The following OTUD7A variants were observed in gnomAD, a reference collection of about 807,000 sequenced individuals.
OTUD7A encodes OTU deubiquitinase 7A.
OTUD7A carries 12 observed loss-of-function variants against 65.7 expected under a neutral mutation model. The observed-to-expected ratio is 0.18, with a 90% confidence interval of 0.12 to 0.30. OTUD7A has a LOEUF of 0.30. OTUD7A is among the 10% of genes least tolerant of loss of function. The pLI, the probability that OTUD7A is intolerant of heterozygous loss-of-function variation, is 1.00. For synonymous variants in OTUD7A, 641 were observed against 586.3 expected, an observed-to-expected ratio of 1.09 and a Z score of -1.35; for missense variants, 1,148 against 1,304.8, an observed-to-expected ratio of 0.88 and a Z score of 1.85.
rs372456434 is a variant in OTUD7A at position 31,626,054 on chromosome 15, G to T, written c.151+29042C>A. ...TGGGGAGGGGTTTTGACCAAGAAAA[G>T]AAGTGAGGAAACTTTTTGAAAGGAA... On this transcript the variant is annotated intron_variant, in intron 3 of 12. Coordinates refer to ENST00000307050, the MANE Select transcript of OTUD7A (RefSeq NM_001382637.1). Among the ~76,000 whole-genome samples, 37 of 152,230 alleles carry T rather than the reference G, an allele frequency of 2.4e-4. No homozygotes were observed. The South Asian group carries it at 7.0e-3, about 29-fold the overall frequency.
chr15:31,862,620 C>A (rs141963570), intron 1 of OTUD7A, among the ~76,000 whole-genome samples: 11 of 152,116 alleles, frequency 7.2e-5, no homozygotes, highest in African/African-American at 2.4e-4. Context: ...CTTATTATCA[C>A]GAGAATAGAA....
At chr15:31,563,373 G>T (rs1355416424) in intron 4 of OTUD7A, among the ~76,000 whole-genome samples, 7 of 152,222 alleles carry the variant, frequency 4.6e-5, no homozygotes, top group African/African-American at 7.2e-5. Flanking sequence ...CTGGAGTCAG[G>T]TCTAATGGCA....
chr15:31,815,100 G>C (rs1896513988), intron 1 of OTUD7A, among the ~76,000 whole-genome samples: 1 of 152,134 alleles, frequency 6.6e-6, no homozygotes, highest in East Asian at 1.9e-4. Context: ...GAGGCACACA[G>C]AACTCCCCAG....
chr15:31,690,463 G>C, intron 1 of OTUD7A, among the ~76,000 whole-genome samples: 1 of 152,256 alleles, frequency 6.6e-6, no homozygotes, highest in South Asian at 2.1e-4. Flanking sequence ...TGAAAAAGAA[G>C]AATAAAGTTG....
At chr15:31,633,957 G>A (rs550477634) in intron 3 of OTUD7A, among the ~76,000 whole-genome samples, 13 of 152,176 alleles carry the variant, frequency 8.5e-5, no homozygotes, top group Non-Finnish European at 1.6e-4. Flanking sequence ...CCTCCTCTGT[G>A]TCTCACTCGA....
intron 1 of OTUD7A, among the ~76,000 whole-genome samples, chr15:31,782,614 T>C (rs889773832): frequency 6.6e-6 from 1 of 152,134 alleles, no homozygotes. Flanking sequence ...GCGGCAGCAG[T>C]ACTGGCCAGA....
At chr15:31,550,961 G>A (rs1888303658) in intron 5 of OTUD7A, among the ~76,000 whole-genome samples, 1 of 152,192 alleles carries the variant, frequency 6.6e-6, no homozygotes, top group Non-Finnish European at 1.5e-5. Flanking sequence ...CCTGTAACCT[G>A]TGCAGATAAC....
At chr15:31,581,574 C>T (rs1889372393) in intron 3 of OTUD7A, among the ~76,000 whole-genome samples, 1 of 152,232 alleles carries the variant, frequency 6.6e-6, no homozygotes, top group Non-Finnish European at 1.5e-5. Flanking sequence ...TTCTTGACTT[C>T]TGTGCACCTG....
At chr15:31,503,657 T>G (rs1293676285) in intron 9 of OTUD7A, 34 bp downstream of exon 9, 1 of 1,613,798 alleles carries the variant, frequency 6.2e-7, no homozygotes, top group South Asian at 1.1e-5. Context: ...GCTTTCTGTG[T>G]CATGAATACA....
At position 31,487,858 on chromosome 15, in the gene OTUD7A, G is replaced by C. The variant is rs896581751; in HGVS notation, c.1172-292C>G. ...GCAGAATGGGAAAAAAGCTATTGCT[G>C]CCTCTGCTATTTCTAGGAAGGATCT... On this transcript the variant is annotated intron_variant, in intron 10 of 12. Coordinates refer to ENST00000307050, the MANE Select transcript of OTUD7A (RefSeq NM_001382637.1). This position sits in a 1 kb window ranked among gnomAD's most constrained non-coding sequence, Gnocchi z 6.0. 5.3e-5 allele frequency among the ~76,000 whole-genome samples: 8 copies of C among 152,190 alleles called. No individual in the cohort carries two copies. Among genetic ancestry groups the C allele is most frequent in the African/African-American group, 1.9e-4 (8 of 41,434 alleles).
chr15:31,667,699 T>G (rs965342705), intron 1 of OTUD7A, among the ~76,000 whole-genome samples: 5 of 152,206 alleles, frequency 3.3e-5, no homozygotes, highest in Non-Finnish European at 5.9e-5. Flanking sequence ...CTTGGTTTTT[T>G]CATTTTTTGT....
At chr15:31,752,985 T>C (rs7177856) in intron 1 of OTUD7A, among the ~76,000 whole-genome samples, 4,528 of 152,090 alleles carry the variant, frequency 0.03, 226 homozygotes, top group African/African-American at 0.1. Flanking sequence ...CTCAGAATAT[T>C]AAAACGACTT....
At chr15:31,723,386 C>G (rs1420693690) in intron 1 of OTUD7A, among the ~76,000 whole-genome samples, 1 of 86,286 alleles carries the variant, frequency 1.2e-5, no homozygotes, top group African/African-American at 4.8e-5. Context: ...CCCCCCGCAC[C>G]GCACGCCACC....
chr15:31,852,104 TC>T (rs1297165107), intron 1 of OTUD7A, among the ~76,000 whole-genome samples: 3 of 152,150 alleles, frequency 2.0e-5, no homozygotes, highest in African/African-American at 7.2e-5. Flanking sequence ...TGATCCGCCC[TC>T]CTTGGCCTCC....
At chr15:31,641,229 G>A (rs1470120727) in intron 3 of OTUD7A, among the ~76,000 whole-genome samples, 1 of 152,120 alleles carries the variant, frequency 6.6e-6, no homozygotes, top group Non-Finnish European at 1.5e-5. Flanking sequence ...CTGTGAAGAA[G>A]GTGCCTGCTT....
chr15:31,714,602 C>T lies in OTUD7A; in HGVS notation c.-99-57525G>A, dbSNP rs191258869. Among the ~76,000 whole-genome samples, 8 of 152,160 alleles carry T rather than the reference C, an allele frequency of 5.3e-5. No individual in the cohort carries two copies. In the East Asian group the frequency reaches 5.8e-4, roughly 11 times the overall value. On this transcript the variant is annotated intron_variant, in intron 1 of 12. Coordinates refer to ENST00000307050, the MANE Select transcript of OTUD7A (RefSeq NM_001382637.1). ...TTATTCTTCAATAAAAACAATGAGC[C>T]GCAAAAATCTACGGGCCATAAAACA...
At chr15:31,508,038 A>C (rs1174244984) in intron 8 of OTUD7A, among the ~76,000 whole-genome samples, 5 of 152,186 alleles carry the variant, frequency 3.3e-5, no homozygotes, top group Non-Finnish European at 7.3e-5. Flanking sequence ...TAATATTTTT[A>C]CAAGGTATGA....
intron 1 of OTUD7A, among the ~76,000 whole-genome samples, chr15:31,695,345 G>A (rs1893054232): frequency 7.1e-6 from 1 of 139,900 alleles, no homozygotes; most frequent in African/African-American, 2.6e-5. Flanking sequence ...CTGAGGAACC[G>A]CCACACTTTT....
At chr15:31,561,008 C>T (rs1047940564) in intron 4 of OTUD7A, among the ~76,000 whole-genome samples, 1 of 152,116 alleles carries the variant, frequency 6.6e-6, no homozygotes. Context: ...GTTTTAAATC[C>T]GAAGCTAATT....
Sources: allele counts gnomAD v4.1 joint callset (sites outside exome capture counted in the v4.1 genomes callset), GRCh38; gene constraint gnomAD v4.1.1; non-coding constraint Gnocchi (gnomAD v3.1); transcripts MANE v1.5; gene names NCBI Gene and HGNC (gene_info 2026-07-23, HGNC 2026-07-21).